The following LRP1B variants were observed in gnomAD, a reference collection of about 807,000 sequenced individuals.
The protein encoded by LRP1B is LDL receptor related protein 1B.
LRP1B carries 217 observed loss-of-function variants against 556.6 expected under a neutral mutation model. The ratio of observed to expected loss-of-function variants is 0.39; its 90% CI spans 0.35 to 0.44. The LOEUF is 0.44. Ranked by LOEUF, LRP1B falls within the 20% of genes least tolerant of loss-of-function variation. The pLI is 1.00. For synonymous variants in LRP1B, 2,047 were observed against 1,865.8 expected (o/e 1.10, Z -2.50); for missense variants, 5,053 against 5,620.8 (o/e 0.90, Z 3.23).
At chr2:141,106,791 T>G (rs371106925) in intron 7 of LRP1B, among the ~76,000 whole-genome samples, 98 of 152,282 alleles carry the variant, frequency 6.4e-4, no homozygotes, top group African/African-American at 2.2e-3. Context: ...CAATAAAACT[T>G]TCTTTTTCAA....
At chr2:141,903,147 C>T (rs1699668930) in intron 1 of LRP1B, among the ~76,000 whole-genome samples, 1 of 149,418 alleles carries the variant, frequency 6.7e-6, no homozygotes, top group Non-Finnish European at 1.5e-5. Flanking sequence ...ATGTCTAAAT[C>T]TTTTTTTTTT....
At chr2:142,077,189 C>T (rs536762504) in intron 1 of LRP1B, among the ~76,000 whole-genome samples, 1 of 152,072 alleles carries the variant, frequency 6.6e-6, no homozygotes, top group South Asian at 2.1e-4. Flanking sequence ...AAATTTTGGC[C>T]TGGAGTAATC....
At position 140,237,147 on chromosome 2, in the gene LRP1B, A is replaced by T. The variant is rs564237593; in HGVS notation, c.13560+1005T>A. On this transcript the variant is annotated intron_variant, in intron 89 of 90. Coordinates refer to ENST00000389484, the MANE Select transcript of LRP1B (RefSeq NM_018557.3). ...CTTATCTGACTGTGACTTTGTACCC[A>T]TTGAACAACACCTATTTTCCTTCCT... Among the ~76,000 whole-genome samples, 12 of 150,998 alleles carry T rather than the reference A, an allele frequency of 7.9e-5. 1 individual carries two copies. The South Asian group carries it at 1.2e-3, about 16-fold the overall frequency.
intron 2 of LRP1B, among the ~76,000 whole-genome samples, chr2:141,541,402 A>C (rs1333563726): frequency 6.6e-6 from 1 of 152,060 alleles, no homozygotes; most frequent in East Asian, 1.9e-4. Flanking sequence ...TAAGTCTTAA[A>C]AACAGTAATT....
At position 141,083,400 on chromosome 2, in the gene LRP1B, A is replaced by G. The variant is rs999835875; in HGVS notation, c.1014-21127T>C. On this transcript the variant is annotated intron_variant, in intron 7 of 90. Coordinates refer to ENST00000389484, the MANE Select transcript of LRP1B (RefSeq NM_018557.3). Reference sequence around the variant, plus strand: ...AACAGGGATGATTAAAAAAAAAAAAAAAGAACTTTGCTCAGTGAATAGCAC... The same window carrying G: ...AACAGGGATGATTAAAAAAAAAAAAGAAGAACTTTGCTCAGTGAATAGCAC... Among the ~76,000 whole-genome samples, 72 of 152,096 alleles carry G rather than the reference A, an allele frequency of 4.7e-4. 1 individual carries two copies. Among genetic ancestry groups the G allele is most frequent in the Admixed American group, 2.2e-3 (34 of 15,278 alleles).
intron 1 of LRP1B, among the ~76,000 whole-genome samples, chr2:142,034,499 C>G (rs549896478): frequency 2.6e-5 from 4 of 151,656 alleles, no homozygotes; most frequent in African/African-American, 9.7e-5. Flanking sequence ...TTCAGTGGTA[C>G]CTCTGTAAAG....
At chr2:140,553,720 G>A (rs1364671856) in intron 43 of LRP1B, among the ~76,000 whole-genome samples, 1 of 152,004 alleles carries the variant, frequency 6.6e-6, no homozygotes, top group Non-Finnish European at 1.5e-5. Context: ...TTTTTGGAGA[G>A]TATAGGGACG....
chr2:141,418,669 A>G (rs1369193028), intron 3 of LRP1B, among the ~76,000 whole-genome samples: 4 of 152,106 alleles, frequency 2.6e-5, no homozygotes, highest in Admixed American at 1.3e-4. Context: ...AGGAAATGAA[A>G]GTACTCCATC....
At chr2:141,112,644 A>G (rs1295460083) in intron 7 of LRP1B, among the ~76,000 whole-genome samples, 2 of 152,340 alleles carry the variant, frequency 1.3e-5, no homozygotes, top group African/African-American at 2.4e-5. Context: ...CATGTAAAAG[A>G]TTATATTATG....
intron 1 of LRP1B, among the ~76,000 whole-genome samples, chr2:141,938,668 G>A (rs1373924107): frequency 6.6e-6 from 1 of 152,066 alleles, no homozygotes; most frequent in East Asian, 1.9e-4. Flanking sequence ...ATTCACAATA[G>A]CCAAAATATG....
chr2:141,177,625 T>C (rs1680792379), intron 7 of LRP1B, among the ~76,000 whole-genome samples: 1 of 152,068 alleles, frequency 6.6e-6, no homozygotes, highest in South Asian at 2.1e-4. Context: ...GGGCAAGATA[T>C]TACAAAAGAA....
intron 6 of LRP1B, among the ~76,000 whole-genome samples, chr2:141,201,263 G>C (rs1048035891): frequency 6.6e-6 from 1 of 152,120 alleles, no homozygotes; most frequent in African/African-American, 2.4e-5. Flanking sequence ...ATAATGTTCT[G>C]ACAAAATGTC....
chr2:141,174,763 G>A (rs1680662163), intron 7 of LRP1B, among the ~76,000 whole-genome samples: 1 of 152,108 alleles, frequency 6.6e-6, no homozygotes, highest in African/African-American at 2.4e-5. Flanking sequence ...AAGCAACTTT[G>A]AAACTGGGTA....
At chr2:140,798,414 A>G (rs1690391772) in intron 32 of LRP1B, among the ~76,000 whole-genome samples, 1 of 152,172 alleles carries the variant, frequency 6.6e-6, no homozygotes, top group Non-Finnish European at 1.5e-5. Context: ...CCCACTTTAC[A>G]AGAAACTTTT....
intron 7 of LRP1B, among the ~76,000 whole-genome samples, chr2:141,125,862 C>T (rs114067839): frequency 2.1e-5 from 2 of 93,096 alleles, no homozygotes; most frequent in Non-Finnish European, 4.7e-5. Flanking sequence ...AAAAAAAAAA[C>T]AAAAAACCTC....
intron 19 of LRP1B, among the ~76,000 whole-genome samples, chr2:140,950,788 G>A (rs1445046664): frequency 1.3e-5 from 2 of 151,654 alleles, no homozygotes; most frequent in Non-Finnish European, 1.5e-5. Context: ...CACTGTGCCC[G>A]GCCCTTTGAT....
Position 140,706,400 on chromosome 2 carries a change from T to A in LRP1B, c.6024-3847A>T, listed in dbSNP as rs184849439. 2.4e-3 allele frequency among the ~76,000 whole-genome samples: 363 copies of A among 152,302 alleles called. 1 individual carries two copies. The highest frequency in any genetic ancestry group is 4.2e-3 in the Non-Finnish European group (287 of 68,000). ...AAACTTGTCCAAATCAAATGCTATA[T>A]TGTGTAACTGAATTTTATCTGAATA... On this transcript the variant is annotated intron_variant, in intron 37 of 90. Coordinates refer to ENST00000389484, the MANE Select transcript of LRP1B (RefSeq NM_018557.3).
At position 141,977,571 on chromosome 2, in the gene LRP1B, TGA is replaced by T. The variant is rs1224100940; in HGVS notation, c.82+153075_82+153076del. On this transcript the variant is annotated intron_variant, in intron 1 of 90. Coordinates refer to ENST00000389484, the MANE Select transcript of LRP1B (RefSeq NM_018557.3). The stretch of plus-strand genomic sequence containing the variant: ...AGCAAGACTTCATCTCAAAAAAAAG[TGA>T]TTCCTACCTTTCAAAAATTACTTTT... Among the ~76,000 whole-genome samples the T allele has an allele frequency of 9.2e-5, 14 of 152,174 alleles. No homozygotes were observed. The South Asian group carries it at 2.3e-3, about 25-fold the overall frequency.
At chr2:142,039,461 G>A (rs990096104) in intron 1 of LRP1B, among the ~76,000 whole-genome samples, 2 of 9,256 alleles carry the variant, frequency 2.2e-4, no homozygotes, top group East Asian at 3.4e-3. Context: ...TATTTAGAAT[G>A]TTCTGGTCCG....
Sources: gnomAD v4.1 joint callset for allele counts (sites outside exome capture counted in the v4.1 genomes callset) on GRCh38, gnomAD v4.1.1 for gene constraint, MANE v1.5 for transcripts, NCBI Gene and HGNC (gene_info 2026-07-23, HGNC 2026-07-21) for gene names.